The following PPP1CC variants were observed in gnomAD, a reference collection of about 807,000 sequenced individuals.
PPP1CC encodes the protein protein phosphatase 1 catalytic subunit gamma.
PPP1CC carries 16 observed loss-of-function variants against 38.4 expected under a neutral mutation model. The ratio of observed to expected loss-of-function variants is 0.42; its 90% CI spans 0.28 to 0.63. The LOEUF is 0.63. Ranked by LOEUF, PPP1CC falls within the 30% of genes least tolerant of loss-of-function variation. PPP1CC has a pLI of 0.25. For synonymous variants in PPP1CC, 158 were observed against 136.0 expected (o/e 1.16, Z -1.13); for missense variants, 170 against 391.3 (o/e 0.43, Z 4.77).
chr12:110,742,546 G>T, intron 1 of PPP1CC, 107 bp downstream of exon 1: 3 of 951,558 alleles, frequency 3.2e-6, no homozygotes, highest in Non-Finnish European at 4.3e-6. Flanking sequence ...CACTCCCCAC[G>T]GTGCTGCAAG....
At chr12:110,726,507 T>C (rs888551155) in intron 3 of PPP1CC, 4 of 152,092 alleles carry the variant, frequency 2.6e-5, no homozygotes, top group Non-Finnish European at 4.4e-5. Flanking sequence ...ATCGCACCAT[T>C]GCACTCCAGC....
intron 2 of PPP1CC, among the ~76,000 whole-genome samples, chr12:110,731,204 C>T (rs2069868433): frequency 8.5e-6 from 1 of 117,468 alleles, no homozygotes; most frequent in East Asian, 3.1e-4. Flanking sequence ...ACCACCCCCA[C>T]CCCCCACCCA....
At chr12:110,721,724 T>G (rs2069741136) in intron 6 of PPP1CC, 1 of 222,084 alleles carries the variant, frequency 4.5e-6, no homozygotes, top group African/African-American at 2.3e-5. Flanking sequence ...GGCCAAATGA[T>G]GTCATGGTAC....
At position 110,719,835 on chromosome 12, in the gene PPP1CC, G is replaced by A. The variant is rs766716790; in HGVS notation, c.*1241C>T. ...GTGGTTTCCAGAGCAATTTATTCAG[G>A]AAAATCTATTCAATATGCCATCAAC... On this transcript the variant is annotated 3_prime_UTR_variant, in exon 7 of 7. Transcript: ENST00000335007. The A allele has an allele frequency of 3.1e-6, 1 of 321,452 alleles. No homozygotes were observed. The highest frequency in any genetic ancestry group is 2.1e-5 in the African/African-American group (1 of 46,636). The allele number at this position is 321,452 out of a possible 1,614,324, so 19.9% of individuals were successfully genotyped here.
chr12:110,718,172 C>CAA, downstream of PPP1CC, among the ~76,000 whole-genome samples: 1 of 152,266 alleles, frequency 6.6e-6, no homozygotes, highest in African/African-American at 2.4e-5. Flanking sequence ...CAAGGTACTT[C>CAA]AAGAACAAGG....
chr12:110,711,582 T>C, the PPP1CC span, among the ~76,000 whole-genome samples: 1 of 152,070 alleles, frequency 6.6e-6, no homozygotes, highest in Admixed American at 6.6e-5. Context: ...ACCCAGGCGA[T>C]GGGTATGTGG....
chr12:110,723,478 C>A (rs1411463692), intron 4 of PPP1CC, among the ~76,000 whole-genome samples: 1 of 152,180 alleles, frequency 6.6e-6, no homozygotes, highest in East Asian at 1.9e-4. Context: ...GAAAGCACAA[C>A]CACTGAGCAA....
At chr12:110,723,160 T>C (rs146862444) in intron 4 of PPP1CC, among the ~76,000 whole-genome samples, 78 of 152,306 alleles carry the variant, frequency 5.1e-4, no homozygotes, top group Middle Eastern at 6.8e-3. Context: ...CGAGTTACAA[T>C]ATGGGATGCA....
In PPP1CC at chr12:110,727,996, T is replaced by A. The variant is rs117016336; in HGVS notation, c.418+2533A>T. Reference sequence around the variant, plus strand: ...GAAACCGAAACTGATGCAGCCAGTATCATTACATTAGGATACACGTCACAA... The same window carrying A: ...GAAACCGAAACTGATGCAGCCAGTAACATTACATTAGGATACACGTCACAA... On this transcript the variant is annotated intron_variant, in intron 3 of 6. Coordinates refer to ENST00000335007, the MANE Select transcript of PPP1CC (RefSeq NM_002710.4). Among the ~76,000 whole-genome samples the A allele has an allele frequency of 9.2e-3, 1,407 of 152,330 alleles. 12 individuals carry two copies. Among genetic ancestry groups the A allele is most frequent in the Admixed American group, 9.8e-3 (150 of 15,296 alleles).
chr12:110,742,371 G>C (rs981761109), intron 1 of PPP1CC, among the ~76,000 whole-genome samples: 4 of 152,142 alleles, frequency 2.6e-5, no homozygotes, highest in African/African-American at 9.6e-5. Context: ...GGGAAACGTG[G>C]GGGTGGGGAG....
At chr12:110,726,976 T>C (rs1382937687) in intron 3 of PPP1CC, among the ~76,000 whole-genome samples, 1 of 152,146 alleles carries the variant, frequency 6.6e-6, no homozygotes, top group Admixed American at 6.6e-5. Flanking sequence ...TCTCACTGCA[T>C]CACCTAGGGG....
chr12:110,727,849 T>TGA (rs530777432), intron 3 of PPP1CC, among the ~76,000 whole-genome samples: 1 of 152,100 alleles, frequency 6.6e-6, no homozygotes, highest in Non-Finnish European at 1.5e-5. Context: ...ATCTGCCTGA[T>TGA]GAGAGAGAGG....
chr12:110,740,853 T>C (rs1490670890), intron 1 of PPP1CC, among the ~76,000 whole-genome samples: 1 of 152,230 alleles, frequency 6.6e-6, no homozygotes, highest in Non-Finnish European at 1.5e-5. Flanking sequence ...CTTAAAATTC[T>C]AATGTTTCTA....
intron 1 of PPP1CC, among the ~76,000 whole-genome samples, chr12:110,739,168 G>A (rs1459175507): frequency 6.6e-6 from 1 of 152,032 alleles, no homozygotes; most frequent in African/African-American, 2.4e-5. Context: ...TTGGCCGAGC[G>A]TGGTGGTGCA....
chr12:110,740,791 A>G (rs1335551470), intron 1 of PPP1CC, among the ~76,000 whole-genome samples: 3 of 152,218 alleles, frequency 2.0e-5, no homozygotes, highest in Admixed American at 6.5e-5. Flanking sequence ...CTGTTTATGA[A>G]TAGAGGCAGT....
downstream of PPP1CC, among the ~76,000 whole-genome samples, chr12:110,718,953 T>C (rs1272321881): frequency 1.3e-5 from 2 of 152,114 alleles, no homozygotes; most frequent in African/African-American, 4.8e-5. Context: ...AATAATGATA[T>C]AATCCTTAGT....
At chr12:110,710,995 G>C in the PPP1CC span, among the ~76,000 whole-genome samples, 1 of 151,754 alleles carries the variant, frequency 6.6e-6, no homozygotes, top group African/African-American at 2.4e-5. Context: ...GGACAACATG[G>C]TGAAACCCCG....
At chr12:110,709,089 A>T in the PPP1CC span, among the ~76,000 whole-genome samples, 1 of 152,122 alleles carries the variant, frequency 6.6e-6, no homozygotes, top group Non-Finnish European at 1.5e-5. Flanking sequence ...CAATAGAAAC[A>T]ACAGATGATA....
At chr12:110,741,260 C>T (rs1441823978) in intron 1 of PPP1CC, among the ~76,000 whole-genome samples, 1 of 151,828 alleles carries the variant, frequency 6.6e-6, no homozygotes, top group Non-Finnish European at 1.5e-5. Flanking sequence ...GAGATATTTT[C>T]AGGAGCTTCA....
Sources: allele counts gnomAD v4.1 joint callset (sites outside exome capture counted in the v4.1 genomes callset), GRCh38; gene constraint gnomAD v4.1.1; transcripts MANE v1.5; gene names NCBI Gene and HGNC (gene_info 2026-07-23, HGNC 2026-07-21).